MTREX: variants seen among roughly 807,000 people sequenced by gnomAD.
The protein encoded by MTREX is exosome RNA helicase MTR4.
MTREX carries 76 observed loss-of-function variants against 135.4 expected under a neutral mutation model. That is an observed-to-expected ratio of 0.56 (90% CI 0.47 to 0.68). The LOEUF (loss-of-function observed/expected upper bound fraction) is 0.68. Among genes scored for constraint, MTREX ranks in the 30% least tolerant of loss-of-function variants. The pLI, the probability that MTREX is intolerant of heterozygous loss-of-function variation, is 0.00. For missense variants in MTREX, 920 were observed against 1,262.1 expected, an observed-to-expected ratio of 0.73 and a Z score of 4.11; for synonymous variants, 404 against 401.6, an observed-to-expected ratio of 1.01 and a Z score of -0.07.
rs766004215 is a variant in MTREX, at chr5:55,425,352, T to C, written c.*580T>C. ...TATACAGCCTACAGTGCAAAATATT[T>C]AATGGTATAATTTAGATCAAGTTAA... is the stretch of plus-strand genomic sequence containing the variant. On this transcript the variant is annotated 3_prime_UTR_variant, in exon 27 of 27. Coordinates refer to ENST00000230640, the MANE Select transcript of MTREX (RefSeq NM_015360.5). 6 of 1,573,296 alleles carry C rather than the reference T, an allele frequency of 3.8e-6. No homozygotes were observed. Among genetic ancestry groups the C allele is most frequent in the Non-Finnish European group, 5.2e-6 (6 of 1,151,974 alleles).
intron 19 of MTREX, among the ~76,000 whole-genome samples, chr5:55,393,807 G>C (rs1750605581): frequency 6.6e-6 from 1 of 152,118 alleles, no homozygotes; most frequent in African/African-American, 2.4e-5. Flanking sequence ...CAAATATTAT[G>C]ATGTTTTTAA....
At chr5:55,363,601 T>C (rs867218543) in intron 15 of MTREX, among the ~76,000 whole-genome samples, 7 of 152,158 alleles carry the variant, frequency 4.6e-5, no homozygotes, top group Middle Eastern at 3.2e-3. Flanking sequence ...AAATTAAATA[T>C]GTAAAAAGAG....
At chr5:55,369,438 C>A (rs1465059401) in intron 16 of MTREX, among the ~76,000 whole-genome samples, 1 of 152,178 alleles carries the variant, frequency 6.6e-6, no homozygotes, top group Non-Finnish European at 1.5e-5. Flanking sequence ...TGTATTGGTG[C>A]ACCTACCTTT....
chr5:55,420,648 G>A lies in MTREX; in HGVS notation c.2972-2230G>A, dbSNP rs370947452. 2.6e-4 allele frequency among the ~76,000 whole-genome samples: 39 copies of A among 152,328 alleles called. No individual in the cohort carries two copies. The East Asian group carries it at 5.0e-3, about 20-fold the overall frequency. ...GTGTATAATTTCACTTATATGAAAT[G>A]TCCAGAGTAAGCAGATTCATAGAGA... On this transcript the variant is annotated intron_variant, in intron 25 of 26. Transcript: ENST00000230640.
chr5:55,312,165 T>A (rs1452449621), intron 1 of MTREX, among the ~76,000 whole-genome samples: 1 of 152,214 alleles, frequency 6.6e-6, no homozygotes, highest in Non-Finnish European at 1.5e-5. Flanking sequence ...TTATCATTTC[T>A]CTCTGCATTT....
chr5:55,328,950 C>G lies in MTREX; in HGVS notation c.515+139C>G, dbSNP rs1749424725. 9.6e-6 allele frequency: 5 copies of G among 518,898 alleles called. No individual in the cohort carries two copies. The South Asian group carries it at 1.4e-4, about 15-fold the overall frequency. The allele number at this position is 518,898 out of a possible 1,614,324, so 32.1% of individuals were successfully genotyped here. On this transcript the variant is annotated intron_variant, in intron 5 of 26. Coordinates refer to ENST00000230640, the MANE Select transcript of MTREX (RefSeq NM_015360.5). ...ATTTCTTTTTCATGTCTTATTGAACCTCTAATACAATGTTTACTTGAAGTA... is the reference window on the plus strand; with the variant it reads ...ATTTCTTTTTCATGTCTTATTGAACGTCTAATACAATGTTTACTTGAAGTA...
chr5:55,378,477 T>G lies in MTREX; in HGVS notation c.1974T>G (p.Arg658=). 6.2e-7 allele frequency: 1 copy of G among 1,608,304 alleles called. No homozygotes were observed. The highest frequency in any genetic ancestry group is 8.5e-7 in the Non-Finnish European group (1 of 1,178,388). ...KYCLPFLQPG[R]LVKVKNEGDD... Reference sequence around the variant, plus strand: ...GCTTACCTTTTCTACAACCAGGTCGTTTGGTAAAGGTATGTCATTGTTTCT... The same window carrying G: ...GCTTACCTTTTCTACAACCAGGTCGGTTGGTAAAGGTATGTCATTGTTTCT... Residue 658 remains arginine (R), a synonymous_variant, in exon 17 of 27, where the codon CGT becomes CGG. Transcript: ENST00000230640.
intron 21 of MTREX, among the ~76,000 whole-genome samples, chr5:55,401,821 A>G (rs1482710178): frequency 1.3e-5 from 2 of 152,064 alleles, no homozygotes; most frequent in South Asian, 4.2e-4. Context: ...CCTTTCCACT[A>G]CCTACTTTTT....
At position 55,405,542 on chromosome 5, in the gene MTREX, T is replaced by A; in HGVS notation, c.2599T>A (p.Ser867Thr). The A allele has an allele frequency of 6.2e-7, 1 of 1,613,944 alleles. No homozygotes were observed. The change falls in exon 22 of 27, where the codon TCT becomes ACT. Residue 867 changes from serine (S) to threonine (T), a missense_variant. This residue lies in a region of MTREX where 467 missense variants were observed against 589.7 expected (regional missense o/e 0.79). Coordinates refer to ENST00000230640, the MANE Select transcript of MTREX (RefSeq NM_015360.5). ...AAGAAGGTTGGGATTTGCTACTTCT[T>A]CTGATGTAATAGAGATGAAAGGACG... ...VLRRLGFATSSDVIEMKGRVA... is the reference protein window; with the variant it reads ...VLRRLGFATSTDVIEMKGRVA...
At chr5:55,399,137 G>A (rs1218444443) in intron 20 of MTREX, among the ~76,000 whole-genome samples, 1 of 152,136 alleles carries the variant, frequency 6.6e-6, no homozygotes, top group Non-Finnish European at 1.5e-5. Context: ...GCTGACACTA[G>A]CCTGCTTTGA....
Position 55,314,085 on chromosome 5 carries a change from A to G in MTREX, c.134+5938A>G, listed in dbSNP as rs534170816. 3.6e-4 allele frequency among the ~76,000 whole-genome samples: 55 copies of G among 152,292 alleles called. 2 individuals carry two copies. The South Asian group carries it at 0.011, about 30-fold the overall frequency. On this transcript the variant is annotated intron_variant, in intron 1 of 26. Coordinates refer to ENST00000230640, the MANE Select transcript of MTREX (RefSeq NM_015360.5). ...AGTCTTTTGCTGTTACAAATGATGC[A>G]ACAATGTCTGTTTTGTAGAAGTCTG...
chr5:55,322,429 GC>G lies in MTREX; in HGVS notation c.240del (p.Arg81GlyfsTer2), dbSNP rs771658803. ...GTDEPIFGKK[P>X]RIEESITEDL... The stretch of plus-strand genomic sequence containing the variant: ...CAGATGAACCCATTTTTGGAAAGAA[GC>G]CCAGGATAGAAGAGTCAATAACTGA... On this transcript the variant is annotated frameshift_variant, in exon 2 of 27. Coordinates refer to ENST00000230640, the MANE Select transcript of MTREX (RefSeq NM_015360.5). LOFTEE classifies it high-confidence loss of function. The G allele has an allele frequency of 6.2e-7, 1 of 1,609,512 alleles. No homozygotes were observed. The highest frequency in any genetic ancestry group is 2.2e-5 in the East Asian group (1 of 44,488).
intron 18 of MTREX, among the ~76,000 whole-genome samples, chr5:55,380,685 T>G (rs553493804): frequency 6.6e-6 from 1 of 152,288 alleles, no homozygotes; most frequent in African/African-American, 2.4e-5. Flanking sequence ...TAGTATGTTT[T>G]TGAGGATTTT....
intron 1 of MTREX, among the ~76,000 whole-genome samples, chr5:55,308,546 C>G (rs1460025423): frequency 6.6e-6 from 1 of 152,094 alleles, no homozygotes; most frequent in Non-Finnish European, 1.5e-5. Flanking sequence ...CAGATAATAA[C>G]ATGAGAAGGG....
rs1362763637 is a variant in MTREX, at chr5:55,425,011, A to C, written c.*239A>C. ...TTGGTGGAAGGCTTGGAGTTTTTTT[A>C]ATGAGTTTAGAGCTATTAGATAACC... On this transcript the variant is annotated 3_prime_UTR_variant, in exon 27 of 27. Coordinates refer to ENST00000230640, the MANE Select transcript of MTREX (RefSeq NM_015360.5). 1.3e-6 allele frequency: 1 copy of C among 778,626 alleles called. No individual in the cohort carries two copies. The highest frequency in any genetic ancestry group is 2.0e-6 in the Non-Finnish European group (1 of 498,864). The allele number at this position is 778,626 out of a possible 1,614,324, so 48.2% of individuals were successfully genotyped here.
chr5:55,405,388 T>C, intron 21 of MTREX, 37 bp from the exon 22 acceptor site: 6 of 1,531,904 alleles, frequency 3.9e-6, no homozygotes, highest in Non-Finnish European at 5.4e-6. Context: ...TTGTTCACTT[T>C]ATTATTGAAC....
chr5:55,374,074 A>G (rs565172305), intron 16 of MTREX, among the ~76,000 whole-genome samples: 6 of 152,130 alleles, frequency 3.9e-5, no homozygotes, highest in Non-Finnish European at 7.4e-5. Context: ...CCTGGCCAAC[A>G]TGGCGAAACC....
chr5:55,334,782 A>G (rs979512404), intron 5 of MTREX, among the ~76,000 whole-genome samples: 2 of 152,192 alleles, frequency 1.3e-5, no homozygotes, highest in Admixed American at 6.5e-5. Flanking sequence ...TCTTTTGGCC[A>G]TTATAATACT....
intron 10 of MTREX, among the ~76,000 whole-genome samples, chr5:55,345,741 A>T (rs1019766296): frequency 3.2e-4 from 37 of 117,346 alleles, no homozygotes; most frequent in African/African-American, 1.3e-3. Context: ...GTCTTGGCTC[A>T]TTGCAACTTT....
Sources: allele counts gnomAD v4.1 joint callset (sites outside exome capture counted in the v4.1 genomes callset), GRCh38; gene constraint gnomAD v4.1.1; regional missense constraint gnomAD v4.1.1; transcripts MANE v1.5; gene names NCBI Gene and HGNC (gene_info 2026-07-23, HGNC 2026-07-21).